TBC1D22A: variants seen among roughly 807,000 people sequenced by gnomAD.
TBC1D22A encodes the protein TBC1 domain family member 22A.
In TBC1D22A, 38 loss-of-function variants were observed where a neutral mutation model predicts 60.2. That is an observed-to-expected ratio of 0.63 (90% CI 0.49 to 0.83). TBC1D22A has a LOEUF of 0.83. Ranked by LOEUF, TBC1D22A falls within the 40% of genes least tolerant of loss-of-function variation. TBC1D22A has a pLI of 0.00. For missense variants in TBC1D22A, 628 were observed against 701.0 expected (o/e 0.90, Z 1.18); for synonymous variants, 302 against 281.7 (o/e 1.07, Z -0.72).
At chr22:46,936,009 A>C (rs746341539) in intron 8 of TBC1D22A, among the ~76,000 whole-genome samples, 9 of 152,228 alleles carry the variant, frequency 5.9e-5, no homozygotes, top group Admixed American at 2.0e-4. Context: ...CTGTCACTTG[A>C]TCACTGTCAG....
chr22:46,953,334 G>A (rs1458789313), intron 8 of TBC1D22A, among the ~76,000 whole-genome samples: 1 of 152,146 alleles, frequency 6.6e-6, no homozygotes, highest in Non-Finnish European at 1.5e-5. Context: ...GTGTGTGTGT[G>A]TGGCCATTTC....
chr22:46,988,823 A>G (rs985394741), intron 9 of TBC1D22A, among the ~76,000 whole-genome samples: 1 of 152,218 alleles, frequency 6.6e-6, no homozygotes, highest in Non-Finnish European at 1.5e-5. Context: ...GCCTCTAACA[A>G]GAGAGTCAGC....
At chr22:47,023,249 G>T (rs1258550665) in intron 10 of TBC1D22A, among the ~76,000 whole-genome samples, 1 of 152,172 alleles carries the variant, frequency 6.6e-6, no homozygotes, top group Non-Finnish European at 1.5e-5. Flanking sequence ...TACTGTGTGG[G>T]ATTATCAGCA....
intron 7 of TBC1D22A, among the ~76,000 whole-genome samples, chr22:46,902,680 A>G (rs1303485159): frequency 6.6e-6 from 1 of 152,242 alleles, no homozygotes; most frequent in Non-Finnish European, 1.5e-5. Flanking sequence ...GTCCCGTTCA[A>G]GTGGGCACGT....
intron 8 of TBC1D22A, among the ~76,000 whole-genome samples, chr22:46,962,493 C>T (rs912236146): frequency 2.6e-5 from 4 of 152,344 alleles, no homozygotes; most frequent in South Asian, 4.1e-4. Flanking sequence ...GCCAATTTCA[C>T]TTGAGATGTT....
chr22:47,146,245 C>T (rs1048090713), intron 12 of TBC1D22A, among the ~76,000 whole-genome samples: 12 of 152,206 alleles, frequency 7.9e-5, no homozygotes, highest in African/African-American at 2.7e-4. Context: ...GCTGTGTTCT[C>T]GTGCTGCTGG....
rs140658263 is a variant in TBC1D22A, at chr22:46,901,779, C to T, written c.900+6933C>T. Among the ~76,000 whole-genome samples the T allele has an allele frequency of 1.6e-3, 244 of 152,274 alleles. 1 individual carries two copies. The highest frequency in any genetic ancestry group is 5.1e-3 in the African/African-American group (210 of 41,558). On this transcript the variant is annotated intron_variant, in intron 7 of 12. Coordinates refer to ENST00000337137, the MANE Select transcript of TBC1D22A (RefSeq NM_014346.5). ...AAATAATTTCTTCTTTCTGACGCTACGATGCTTCTGGATTTTGAGGGCTGT... is the reference window on the plus strand; with the variant it reads ...AAATAATTTCTTCTTTCTGACGCTATGATGCTTCTGGATTTTGAGGGCTGT...
At chr22:46,773,165 C>A (rs960887061) in intron 1 of TBC1D22A, among the ~76,000 whole-genome samples, 1 of 152,164 alleles carries the variant, frequency 6.6e-6, no homozygotes, top group Non-Finnish European at 1.5e-5. Flanking sequence ...CAGCCCTTCA[C>A]CCCCTGAACA....
intron 10 of TBC1D22A, among the ~76,000 whole-genome samples, chr22:47,002,307 T>C (rs1224817497): frequency 6.6e-6 from 1 of 152,254 alleles, no homozygotes; most frequent in East Asian, 1.9e-4. Flanking sequence ...TGTTAACCTC[T>C]GAAATCACAT....
intron 12 of TBC1D22A, among the ~76,000 whole-genome samples, chr22:47,160,714 A>G (rs1435238530): frequency 6.6e-6 from 1 of 152,178 alleles, no homozygotes; most frequent in African/African-American, 2.4e-5. Context: ...TTCTCTTACT[A>G]AGTTTTCCAT....
intron 1 of TBC1D22A, among the ~76,000 whole-genome samples, chr22:46,784,235 G>C (rs1166854177): frequency 1.3e-5 from 2 of 151,580 alleles, no homozygotes; most frequent in African/African-American, 4.9e-5. Context: ...GTAGAGATGG[G>C]GTCTCACTAT....
intron 11 of TBC1D22A, among the ~76,000 whole-genome samples, chr22:47,076,361 G>GTGTGTATATATATATA (rs1392245000): frequency 2.0e-5 from 2 of 101,932 alleles, no homozygotes; most frequent in Non-Finnish European, 3.9e-5. Context: ...ATATGTGTGT[G>GTGTGTATATATATATA]TATATATATA....
intron 4 of TBC1D22A, among the ~76,000 whole-genome samples, chr22:46,843,864 A>G (rs796782860): frequency 3.9e-5 from 6 of 152,196 alleles, no homozygotes; most frequent in African/African-American, 1.4e-4. Context: ...AGCACCCGGC[A>G]GCACCCTGTG....
At chr22:47,048,103 A>G (rs1269057060) in intron 11 of TBC1D22A, among the ~76,000 whole-genome samples, 1 of 152,188 alleles carries the variant, frequency 6.6e-6, no homozygotes, top group Non-Finnish European at 1.5e-5. Flanking sequence ...CCCCAGCTCC[A>G]CTGCTGTTGC....
chr22:46,868,942 TG>T (rs11342486), intron 4 of TBC1D22A, among the ~76,000 whole-genome samples: 84,246 of 151,890 alleles, frequency 0.55, 26,061 homozygotes, highest in African/African-American at 0.85. Flanking sequence ...TAGGAGTAGG[TG>T]GGGGGTGCCC....
rs557737188 is a variant in TBC1D22A at position 46,953,264 on chromosome 22, C to G, written c.1016-21026C>G. On this transcript the variant is annotated intron_variant, in intron 8 of 12. Transcript: ENST00000337137. ...ATATGTTTTATTGCTCAGATTGATTCACCTTTGCCATTGGATGGTCTTTCT... is the reference window on the plus strand; with the variant it reads ...ATATGTTTTATTGCTCAGATTGATTGACCTTTGCCATTGGATGGTCTTTCT... Among the ~76,000 whole-genome samples the G allele has an allele frequency of 1.8e-4, 27 of 152,274 alleles. No individual in the cohort carries two copies. In the South Asian group the frequency reaches 5.6e-3, roughly 32 times the overall value.
Position 46,912,182 on chromosome 22 carries a change from T to C in TBC1D22A, c.1009T>C (p.Tyr337His), listed in dbSNP as rs953262044. 2 of 1,611,012 alleles carry C rather than the reference T, an allele frequency of 1.2e-6. No individual in the cohort carries two copies. Among genetic ancestry groups the C allele is most frequent in the South Asian group, 1.1e-5 (1 of 90,678 alleles). The change falls in exon 8 of 13, where the codon TAC becomes CAC. Residue 337 changes from tyrosine to histidine, a missense_variant. Transcript: ENST00000337137. ...TTTCTTTGTGGTCTTCATTTGTGAA[T>C]ACATAGGTAAGATTTCTTGCAAACA... ...TPFFVVFICE[Y>H]IEAEEVDTVD...
chr22:47,014,110 C>G (rs2061833200), intron 10 of TBC1D22A, among the ~76,000 whole-genome samples: 1 of 152,208 alleles, frequency 6.6e-6, no homozygotes, highest in Non-Finnish European at 1.5e-5. Flanking sequence ...CGCCATGCCC[C>G]TCTTTGGGGA....
chr22:47,112,286 CCTT>C (rs1477356395), intron 12 of TBC1D22A, among the ~76,000 whole-genome samples: 2 of 152,216 alleles, frequency 1.3e-5, no homozygotes, highest in South Asian at 2.1e-4. Flanking sequence ...GCTGGGAAGT[CCTT>C]CTGCCCAGTG....
Sources: gnomAD v4.1 joint callset for allele counts (sites outside exome capture counted in the v4.1 genomes callset) on GRCh38, gnomAD v4.1.1 for gene constraint, MANE v1.5 for transcripts, NCBI Gene and HGNC (gene_info 2026-07-23, HGNC 2026-07-21) for gene names.